GNA14: variants seen among roughly 807,000 people sequenced by gnomAD.
GNA14 encodes guanine nucleotide-binding protein subunit alpha-14.
GNA14 carries 50 observed loss-of-function variants against 42.0 expected under a neutral mutation model. The ratio of observed to expected loss-of-function variants is 1.19; its 90% CI spans 0.95 to 1.51. The LOEUF is 1.51. GNA14 is among the 40% of genes most tolerant of loss of function. The pLI is 0.00. For synonymous variants in GNA14, 173 were observed against 163.1 expected (o/e 1.06, Z -0.46); for missense variants, 473 against 446.2 (o/e 1.06, Z -0.54).
chr9:77,584,519 C>G (rs1490759621), intron 1 of GNA14, among the ~76,000 whole-genome samples: 2 of 151,402 alleles, frequency 1.3e-5, no homozygotes, highest in Admixed American at 6.6e-5. Flanking sequence ...CCCCCACCCC[C>G]CACCACCCCA....
At chr9:77,615,676 C>T (rs181728821) in intron 1 of GNA14, among the ~76,000 whole-genome samples, 107 of 150,462 alleles carry the variant, frequency 7.1e-4, no homozygotes, top group African/African-American at 1.9e-3. Context: ...ACCATCCCAA[C>T]CCACTGCTGG....
chr9:77,541,019 GTTCAT>G (rs1343573751), intron 1 of GNA14, among the ~76,000 whole-genome samples: 1 of 151,830 alleles, frequency 6.6e-6, no homozygotes, highest in African/African-American at 2.4e-5. Flanking sequence ...TGGTTCCTTT[GTTCAT>G]TTCTTTTTCT....
intron 2 of GNA14, among the ~76,000 whole-genome samples, chr9:77,502,011 T>C (rs148429572): frequency 4.7e-4 from 71 of 152,288 alleles, no homozygotes; most frequent in East Asian, 2.5e-3. Context: ...CCAGCCCAGA[T>C]TGGATAATTT....
chr9:77,647,329 C>A (rs1824373095), intron 1 of GNA14, among the ~76,000 whole-genome samples: 1 of 152,146 alleles, frequency 6.6e-6, no homozygotes, highest in Non-Finnish European at 1.5e-5. Flanking sequence ...CACCACAGAC[C>A]CCAAGCTGGG....
chr9:77,425,808 C>T, intron 5 of GNA14, 93 bp from the exon 6 acceptor site: 1 of 970,726 alleles, frequency 1.0e-6, no homozygotes, highest in Non-Finnish European at 1.6e-6. Context: ...TCTTCCCTTG[C>T]CCCGCCGCAG....
At chr9:77,602,606 T>C (rs992511148) in intron 1 of GNA14, among the ~76,000 whole-genome samples, 3 of 150,280 alleles carry the variant, frequency 2.0e-5, no homozygotes, top group South Asian at 2.2e-4. Flanking sequence ...CTCTCCAGCA[T>C]AGACCATGGC....
At chr9:77,521,521 C>T (rs1330735142) in intron 2 of GNA14, among the ~76,000 whole-genome samples, 2 of 152,192 alleles carry the variant, frequency 1.3e-5, no homozygotes, top group Non-Finnish European at 2.9e-5. Context: ...GATTTCTTCA[C>T]AGGCATCCTT....
chr9:77,428,857 C>T, intron 5 of GNA14, 50 bp downstream of exon 5: 1 of 1,591,098 alleles, frequency 6.3e-7, no homozygotes, highest in South Asian at 1.1e-5. Context: ...TTAGAAACCA[C>T]AGAATAGGCT....
At chr9:77,645,683 T>C (rs907827184) in intron 1 of GNA14, among the ~76,000 whole-genome samples, 3 of 152,110 alleles carry the variant, frequency 2.0e-5, no homozygotes, top group African/African-American at 7.2e-5. Context: ...CAAACATTTC[T>C]CCCCTAGTTT....
intron 5 of GNA14, 89 bp from the exon 6 acceptor site, chr9:77,425,804 C>T (rs1399789104): frequency 4.1e-6 from 4 of 970,042 alleles, no homozygotes; most frequent in East Asian, 2.7e-5. Context: ...CATCTCTTCC[C>T]TTGCCCCGCC....
chr9:77,488,784 TA>T (rs67416479), intron 2 of GNA14, among the ~76,000 whole-genome samples: 6,731 of 53,736 alleles, frequency 0.13, 239 homozygotes, highest in African/African-American at 0.22. Context: ...CACACCTAAT[TA>T]AAAAAAAAAA....
chr9:77,490,181 C>G (rs1161282677), intron 2 of GNA14, among the ~76,000 whole-genome samples: 1 of 152,188 alleles, frequency 6.6e-6, no homozygotes, highest in African/African-American at 2.4e-5. Context: ...CCCACCAGAG[C>G]AGCTAGATAC....
rs932997011 is a variant in GNA14 at position 77,423,398 on chromosome 9, T to G, written c.*581A>C. On this transcript the variant is annotated 3_prime_UTR_variant, in exon 7 of 7. Transcript: ENST00000341700. The stretch of plus-strand genomic sequence containing the variant: ...AAGCTAAATTAGATATACTTATATA[T>G]CCATTAATTTGGCTTAGAAAGTTAA... The G allele has an allele frequency of 1.3e-5, 2 of 152,072 alleles. No homozygotes were observed. The highest frequency in any genetic ancestry group is 1.5e-5 in the Non-Finnish European group (1 of 68,026). 9.4% of individuals were successfully genotyped at this position (152,072 alleles called of 1,614,324 possible).
intron 2 of GNA14, among the ~76,000 whole-genome samples, chr9:77,508,456 G>A (rs897568485): frequency 5.3e-5 from 8 of 152,196 alleles, no homozygotes; most frequent in Non-Finnish European, 7.3e-5. Flanking sequence ...AATTGGAGAC[G>A]ACTGATTAAA....
intron 2 of GNA14, among the ~76,000 whole-genome samples, chr9:77,528,261 G>A (rs55695150): frequency 2.0e-5 from 3 of 152,072 alleles, no homozygotes; most frequent in African/African-American, 4.8e-5. Context: ...ACAGATCCAC[G>A]AGAGACCCAT....
intron 1 of GNA14, among the ~76,000 whole-genome samples, chr9:77,546,442 T>C (rs1159129135): frequency 6.6e-6 from 1 of 152,096 alleles, no homozygotes; most frequent in African/African-American, 2.4e-5. Context: ...ATGACATCTC[T>C]CTCTGAAAGA....
intron 1 of GNA14, among the ~76,000 whole-genome samples, chr9:77,552,348 G>A (rs936663101): frequency 3.3e-5 from 5 of 151,996 alleles, no homozygotes; most frequent in Non-Finnish European, 7.4e-5. Flanking sequence ...ATCTGGAAAT[G>A]AAAATAATGA....
rs536319173 is a variant in GNA14, at chr9:77,579,625, T to C, written c.125-50372A>G. Among the ~76,000 whole-genome samples, 181 of 152,316 alleles carry C rather than the reference T, an allele frequency of 1.2e-3. 1 individual carries two copies. The highest frequency in any genetic ancestry group is 2.0e-3 in the Non-Finnish European group (133 of 68,034). On this transcript the variant is annotated intron_variant, in intron 1 of 6. Coordinates refer to ENST00000341700, the MANE Select transcript of GNA14 (RefSeq NM_004297.4). ...TTCCTTCAGCCATTTAAGGTTACTT[T>C]CTATAGGCATGCCAAATAGACTCTA...
intron 2 of GNA14, among the ~76,000 whole-genome samples, chr9:77,466,466 AATTTCT>A (rs1331334342): frequency 1.3e-5 from 2 of 152,078 alleles, no homozygotes; most frequent in South Asian, 2.1e-4. Flanking sequence ...TCATTTTTAT[AATTTCT>A]ATTTCTATGT....
Sources: gnomAD v4.1 joint callset for allele counts (sites outside exome capture counted in the v4.1 genomes callset) on GRCh38, gnomAD v4.1.1 for gene constraint, MANE v1.5 for transcripts, NCBI Gene and HGNC (gene_info 2026-07-23, HGNC 2026-07-21) for gene names.